FSTL5: variants seen among roughly 807,000 people sequenced by gnomAD.
FSTL5 encodes follistatin like 5, also known as follistatin-related protein 5.
A neutral mutation model predicts 89.1 loss-of-function variants in FSTL5; 62 were observed. The ratio of observed to expected loss-of-function variants is 0.70; its 90% CI spans 0.57 to 0.86. The LOEUF is 0.86. Among genes scored for constraint, FSTL5 ranks in the 40% least tolerant of loss-of-function variants. FSTL5 has a pLI of 0.00. For synonymous variants in FSTL5, 383 were observed against 346.2 expected (o/e 1.11, Z -1.18); for missense variants, 1,057 against 1,001.6 (o/e 1.06, Z -0.75).
At chr4:161,778,133 A>C (rs2126806242) in intron 4 of FSTL5, among the ~76,000 whole-genome samples, 1 of 151,924 alleles carries the variant, frequency 6.6e-6, no homozygotes, top group East Asian at 1.9e-4. Flanking sequence ...CAAAAGGAAG[A>C]AAAAATTCTC....
chr4:162,111,503 T>C, intron 1 of FSTL5, 91 bp from the exon 2 acceptor site: 1 of 994,254 alleles, frequency 1.0e-6, no homozygotes, highest in East Asian at 2.7e-5. Flanking sequence ...CATATAAATC[T>C]CCATTAATCT....
chr4:161,972,559 A>G (rs1385742862), intron 3 of FSTL5, among the ~76,000 whole-genome samples: 1 of 152,110 alleles, frequency 6.6e-6, no homozygotes, highest in East Asian at 1.9e-4. Context: ...CCAGCAAGGA[A>G]CCAAGGCCCC....
chr4:162,024,932 C>A (rs956589084), intron 3 of FSTL5, among the ~76,000 whole-genome samples: 3 of 151,884 alleles, frequency 2.0e-5, no homozygotes, highest in Non-Finnish European at 4.4e-5. Flanking sequence ...ATTACAAGCA[C>A]GAGCCACTGC....
chr4:161,537,950 T>A (rs1156948756), intron 10 of FSTL5, among the ~76,000 whole-genome samples: 4 of 152,106 alleles, frequency 2.6e-5, no homozygotes, highest in Non-Finnish European at 5.9e-5. Context: ...TGCAAAAAAA[T>A]AAAATCTAGT....
At chr4:161,658,106 G>T (rs531607483) in intron 6 of FSTL5, among the ~76,000 whole-genome samples, 1 of 152,286 alleles carries the variant, frequency 6.6e-6, no homozygotes, top group South Asian at 2.1e-4. Context: ...TTCTTTGTGT[G>T]AAGAGTCTAA....
At chr4:161,705,626 T>G (rs760933505) in intron 6 of FSTL5, among the ~76,000 whole-genome samples, 36 of 151,924 alleles carry the variant, frequency 2.4e-4, no homozygotes, top group Non-Finnish European at 4.3e-4. Flanking sequence ...TGCGCTACTC[T>G]GTACTTTGTG....
At chr4:161,889,352 C>T (rs1165868956) in intron 4 of FSTL5, among the ~76,000 whole-genome samples, 1 of 152,002 alleles carries the variant, frequency 6.6e-6, no homozygotes, top group East Asian at 1.9e-4. Context: ...CTTGTAAATG[C>T]ATAAAATAGG....
At chr4:161,729,701 C>A (rs1739541765) in intron 6 of FSTL5, among the ~76,000 whole-genome samples, 1 of 152,154 alleles carries the variant, frequency 6.6e-6, no homozygotes, top group African/African-American at 2.4e-5. Context: ...ATAAAGCAAG[C>A]AAAATCTGAC....
At chr4:161,572,474 G>C (rs182615954) in intron 8 of FSTL5, among the ~76,000 whole-genome samples, 1 of 152,156 alleles carries the variant, frequency 6.6e-6, no homozygotes, top group East Asian at 1.9e-4. Context: ...ACATGTTCTG[G>C]TGTCTTCCAA....
At chr4:162,084,764 C>T (rs1429718405) in intron 2 of FSTL5, among the ~76,000 whole-genome samples, 1 of 151,746 alleles carries the variant, frequency 6.6e-6, no homozygotes, top group Non-Finnish European at 1.5e-5. Context: ...CACACACCGG[C>T]ACCTACCAGG....
intron 15 of FSTL5, among the ~76,000 whole-genome samples, chr4:161,449,208 C>T (rs1362039547): frequency 2.0e-5 from 3 of 152,098 alleles, no homozygotes; most frequent in African/African-American, 7.2e-5. Context: ...CACTTGCATG[C>T]ACACATACAC....
At chr4:162,075,964 C>T (rs1729822270) in intron 2 of FSTL5, among the ~76,000 whole-genome samples, 1 of 151,832 alleles carries the variant, frequency 6.6e-6, no homozygotes, top group African/African-American at 2.4e-5. Flanking sequence ...CTGCTTCTCT[C>T]ATTATATAAA....
intron 13 of FSTL5, among the ~76,000 whole-genome samples, chr4:161,476,823 C>G (rs959371296): frequency 3.3e-5 from 5 of 152,132 alleles, no homozygotes; most frequent in African/African-American, 1.2e-4. Context: ...TGTTCACCCA[C>G]CTCTGTCTGT....
At chr4:161,950,346 A>C (rs1311858840) in intron 3 of FSTL5, among the ~76,000 whole-genome samples, 3 of 152,178 alleles carry the variant, frequency 2.0e-5, no homozygotes, top group African/African-American at 7.2e-5. Flanking sequence ...AATTGATGGC[A>C]TTTAGGTGCT....
intron 6 of FSTL5, among the ~76,000 whole-genome samples, chr4:161,691,081 T>C (rs1404623341): frequency 6.6e-6 from 1 of 152,196 alleles, no homozygotes; most frequent in Non-Finnish European, 1.5e-5. Context: ...TTTTCTTTTA[T>C]CGCTCATGCT....
chr4:161,480,986 G>T (rs759386499), intron 13 of FSTL5, 34 bp downstream of exon 13: 12 of 1,441,202 alleles, frequency 8.3e-6, no homozygotes, highest in East Asian at 4.7e-5. Context: ...ATTTTTTAAA[G>T]ATTTACTTTT....
intron 4 of FSTL5, among the ~76,000 whole-genome samples, chr4:161,830,274 C>T (rs1222664459): frequency 6.6e-6 from 1 of 152,042 alleles, no homozygotes; most frequent in African/African-American, 2.4e-5. Context: ...AGTCAATGAA[C>T]AGGCTGCCAA....
At chr4:161,444,839 C>A (rs989638924) in intron 15 of FSTL5, among the ~76,000 whole-genome samples, 1 of 151,784 alleles carries the variant, frequency 6.6e-6, no homozygotes, top group African/African-American at 2.4e-5. Context: ...AGTGGTAAGT[C>A]TAAATTTGGA....
intron 4 of FSTL5, among the ~76,000 whole-genome samples, chr4:161,834,275 T>A (rs1730954502): frequency 6.6e-6 from 1 of 152,110 alleles, no homozygotes; most frequent in Non-Finnish European, 1.5e-5. Flanking sequence ...AAACTCTCAA[T>A]AAATTAGGTA....
Sources: gnomAD v4.1 joint callset for allele counts (sites outside exome capture counted in the v4.1 genomes callset) on GRCh38, gnomAD v4.1.1 for gene constraint, MANE v1.5 for transcripts, NCBI Gene and HGNC (gene_info 2026-07-23, HGNC 2026-07-21) for gene names.